The following FBXL7 variants were observed in gnomAD, a reference collection of about 807,000 sequenced individuals.
FBXL7 encodes the protein F-box/LRR-repeat protein 7.
In FBXL7, 12 loss-of-function variants were observed where a neutral mutation model predicts 38.3. The ratio of observed to expected loss-of-function variants is 0.31; its 90% CI spans 0.20 to 0.51. The LOEUF (loss-of-function observed/expected upper bound fraction) is 0.51, where lower values mean the gene tolerates loss of function less well. Ranked by LOEUF, FBXL7 falls within the 20% of genes least tolerant of loss-of-function variation. The pLI is 0.98. For synonymous variants in FBXL7, 297 were observed against 300.9 expected, an observed-to-expected ratio of 0.99 and a Z score of 0.13; for missense variants, 567 against 676.4, an observed-to-expected ratio of 0.84 and a Z score of 1.79.
intron 1 of FBXL7, among the ~76,000 whole-genome samples, chr5:15,568,434 T>C (rs1305535900): frequency 1.3e-5 from 2 of 152,160 alleles, no homozygotes; most frequent in African/African-American, 4.8e-5. Flanking sequence ...CACTTTTTGA[T>C]GGGGTTTTTT....
intron 2 of FBXL7, among the ~76,000 whole-genome samples, chr5:15,888,401 TA>T (rs1740768486): frequency 6.6e-6 from 1 of 151,938 alleles, no homozygotes. Flanking sequence ...CTGATTTTTG[TA>T]TTTTTTAGTA....
intron 2 of FBXL7, among the ~76,000 whole-genome samples, chr5:15,875,407 T>G (rs547483358): frequency 1.3e-5 from 2 of 152,050 alleles, no homozygotes; most frequent in Admixed American, 6.5e-5. Flanking sequence ...ACAAATAGGA[T>G]CTAATTAAAC....
At chr5:15,873,405 C>T (rs1392216726) in intron 2 of FBXL7, among the ~76,000 whole-genome samples, 1 of 151,884 alleles carries the variant, frequency 6.6e-6, no homozygotes, top group Non-Finnish European at 1.5e-5. Flanking sequence ...CAAGAAATAA[C>T]AAAGATTAGA....
intron 1 of FBXL7, among the ~76,000 whole-genome samples, chr5:15,612,623 T>TC (rs1740285558): frequency 6.6e-6 from 1 of 152,156 alleles, no homozygotes; most frequent in Admixed American, 6.5e-5. Flanking sequence ...AGTTATATTG[T>TC]CCAAGTTTCC....
intron 2 of FBXL7, among the ~76,000 whole-genome samples, chr5:15,705,004 A>G (rs1743637149): frequency 6.6e-6 from 1 of 152,050 alleles, no homozygotes; most frequent in South Asian, 2.1e-4. Context: ...TACTTAGGCA[A>G]TTTTTATCTC....
At chr5:15,826,355 A>C (rs942911408) in intron 2 of FBXL7, among the ~76,000 whole-genome samples, 2 of 152,224 alleles carry the variant, frequency 1.3e-5, no homozygotes, top group Admixed American at 1.3e-4. Context: ...TCGAGAAAAT[A>C]GCGTCTATAG....
chr5:15,553,652 G>A (rs1738151019), intron 1 of FBXL7, among the ~76,000 whole-genome samples: 1 of 152,044 alleles, frequency 6.6e-6, no homozygotes, highest in African/African-American at 2.4e-5. Flanking sequence ...GCTTAAAGAA[G>A]TTCACTTAAC....
chr5:15,675,860 T>A (rs1426341685), intron 2 of FBXL7, among the ~76,000 whole-genome samples: 1 of 152,198 alleles, frequency 6.6e-6, no homozygotes, highest in Non-Finnish European at 1.5e-5. Flanking sequence ...TATTCCTTAA[T>A]TATTTTTCTT....
intron 2 of FBXL7, among the ~76,000 whole-genome samples, chr5:15,713,510 A>C (rs1743945102): frequency 6.6e-6 from 1 of 152,204 alleles, no homozygotes; most frequent in Admixed American, 6.5e-5. Context: ...CCCTATCATC[A>C]AAACACATAC....
chr5:15,733,840 G>C lies in FBXL7; in HGVS notation c.127+117768G>C, dbSNP rs142393230. On this transcript the variant is annotated intron_variant, in intron 2 of 3. Transcript: ENST00000504595. ...TAGCTTGTTAATGGCCGGGTGCAGT[G>C]GCTCAGGCCTATAATCCCAGCACGT... Among the ~76,000 whole-genome samples the C allele has an allele frequency of 6.5e-3, 984 of 152,300 alleles. 4 individuals are homozygous for C. The highest frequency in any genetic ancestry group is 0.024 in the Middle Eastern group (7 of 294).
At chr5:15,705,312 C>T (rs565702767) in intron 2 of FBXL7, among the ~76,000 whole-genome samples, 4 of 152,212 alleles carry the variant, frequency 2.6e-5, no homozygotes, top group South Asian at 4.2e-4. Context: ...GTGCTTGGCA[C>T]GTAAGCATGC....
rs145878152 is a variant in FBXL7 at position 15,608,274 on chromosome 5, G to A, written c.38-7709G>A. 3.1e-3 allele frequency among the ~76,000 whole-genome samples: 476 copies of A among 152,138 alleles called. 3 individuals are homozygous for A. The highest frequency in any genetic ancestry group is 0.011 in the African/African-American group (444 of 41,514). On this transcript the variant is annotated intron_variant, in intron 1 of 3. Transcript: ENST00000504595. ...CAGGGTTCATTTTTTTCTCATAGCAGCCTCTCCCAAACCCTGCAGGTTGGG... is the reference window on the plus strand; with the variant it reads ...CAGGGTTCATTTTTTTCTCATAGCAACCTCTCCCAAACCCTGCAGGTTGGG...
chr5:15,760,336 C>G (rs1736406564), intron 2 of FBXL7, among the ~76,000 whole-genome samples: 1 of 150,784 alleles, frequency 6.6e-6, no homozygotes, highest in Non-Finnish European at 1.5e-5. Context: ...TATATTTTAC[C>G]TTATAATATA....
At chr5:15,524,716 C>G (rs2126380413) in intron 1 of FBXL7, among the ~76,000 whole-genome samples, 1 of 152,320 alleles carries the variant, frequency 6.6e-6, no homozygotes, top group Admixed American at 6.5e-5. Flanking sequence ...TTTATCTCTT[C>G]TTAGATGATG....
chr5:15,582,883 T>A (rs186870664), intron 1 of FBXL7, among the ~76,000 whole-genome samples: 3 of 151,940 alleles, frequency 2.0e-5, no homozygotes, highest in African/African-American at 7.2e-5. Flanking sequence ...TTAATCATTA[T>A]CATCATCGAG....
At chr5:15,642,445 C>T (rs1050203465) in intron 2 of FBXL7, among the ~76,000 whole-genome samples, 1 of 152,192 alleles carries the variant, frequency 6.6e-6, no homozygotes, top group African/African-American at 2.4e-5. Context: ...ATGCCTTACA[C>T]TCAATTTCTA....
At chr5:15,639,168 G>C (rs1239788572) in intron 2 of FBXL7, among the ~76,000 whole-genome samples, 1 of 152,190 alleles carries the variant, frequency 6.6e-6, no homozygotes, top group Non-Finnish European at 1.5e-5. Flanking sequence ...AAATTGCATA[G>C]TACACCTGGA....
chr5:15,850,823 A>G (rs1404260753), intron 2 of FBXL7, among the ~76,000 whole-genome samples: 2 of 152,180 alleles, frequency 1.3e-5, no homozygotes, highest in African/African-American at 2.4e-5. Flanking sequence ...AGGCTGATCT[A>G]TGCTTTTGAG....
At chr5:15,611,942 C>T (rs769388898) in intron 1 of FBXL7, among the ~76,000 whole-genome samples, 1 of 151,482 alleles carries the variant, frequency 6.6e-6, no homozygotes, top group Non-Finnish European at 1.5e-5. Flanking sequence ...GATGGTGCCA[C>T]TACACTCCAG....
Sources: allele counts gnomAD v4.1 joint callset (sites outside exome capture counted in the v4.1 genomes callset), GRCh38; gene constraint gnomAD v4.1.1; transcripts MANE v1.5; gene names NCBI Gene and HGNC (gene_info 2026-07-23, HGNC 2026-07-21).